The following CPB2 variants were observed in gnomAD, a reference collection of about 807,000 sequenced individuals.
The protein encoded by CPB2 is carboxypeptidase B2.
CPB2 carries 54 observed loss-of-function variants against 57.0 expected under a neutral mutation model. The observed-to-expected ratio is 0.95, with a 90% CI of 0.76 to 1.19. CPB2 has a LOEUF of 1.19. CPB2 is among the 50% of genes most tolerant of loss of function. The probability of loss-of-function intolerance (pLI) is 0.00; values close to 1 mark genes in which losing one functional copy is unlikely to be tolerated. For missense variants in CPB2, 426 were observed against 512.0 expected (o/e 0.83, Z 1.62); for synonymous variants, 189 against 178.1 (o/e 1.06, Z -0.49).
intron 10 of CPB2, among the ~76,000 whole-genome samples, chr13:46,055,538 A>T (rs1004831281): frequency 1.3e-5 from 2 of 152,154 alleles, no homozygotes; most frequent in African/African-American, 4.8e-5. Context: ...GATAAATATG[A>T]TTTCTTAAAT....
intron 4 of CPB2, among the ~76,000 whole-genome samples, chr13:46,080,657 G>A (rs2045098381): frequency 6.6e-6 from 1 of 152,028 alleles, no homozygotes; most frequent in Non-Finnish European, 1.5e-5. Context: ...GAGAGACCAG[G>A]GATGCATGTG....
At chr13:46,104,908 A>AC in intron 1 of CPB2, 28 bp downstream of exon 1, 1 of 1,613,634 alleles carries the variant, frequency 6.2e-7, no homozygotes, top group Non-Finnish European at 8.5e-7. Context: ...AGAGTGGCCC[A>AC]CCACAGTCTA....
chr13:46,097,891 A>T (rs1282315572), intron 1 of CPB2, among the ~76,000 whole-genome samples: 1 of 152,180 alleles, frequency 6.6e-6, no homozygotes, highest in Non-Finnish European at 1.5e-5. Context: ...GTTTCCAGAG[A>T]GCATAGGAAG....
chr13:46,072,712 T>C (rs887776463), intron 6 of CPB2, among the ~76,000 whole-genome samples: 37 of 152,300 alleles, frequency 2.4e-4, no homozygotes, highest in African/African-American at 8.4e-4. Context: ...CTCACCGATA[T>C]AAATTAGAGT....
intron 1 of CPB2, among the ~76,000 whole-genome samples, chr13:46,101,598 G>T (rs140475050): frequency 0.013 from 1,931 of 152,292 alleles, 34 homozygotes; most frequent in African/African-American, 0.043. Context: ...TGTTTCAACT[G>T]CGTCTCTGAA....
Position 46,084,289 on chromosome 13 carries a change from G to T in CPB2, c.205C>A (p.His69Asn). 6 of 1,614,090 alleles carry T rather than the reference G, an allele frequency of 3.7e-6. No individual in the cohort carries two copies. Among genetic ancestry groups the T allele is most frequent in the African/African-American group, 2.7e-5 (2 of 75,032 alleles). Residue 69 changes from histidine to asparagine, a missense_variant, in exon 3 of 11, where the codon CAT becomes AAT. His to Asn is a moderately conservative substitution (Grantham distance 68, BLOSUM62 1). Coordinates refer to ENST00000181383, the MANE Select transcript of CPB2 (RefSeq NM_001872.5). ...ACATCAGATGCATTTACAAAAAAATGGACTTGTTTTTTCTTCACAATAAGG... is the reference window on the plus strand; with the variant it reads ...ACATCAGATGCATTTACAAAAAAATTGACTTGTTTTTTCTTCACAATAAGG... ...ADLIVKKKQVHFFVNASDVDN... is the reference protein window; with the variant it reads ...ADLIVKKKQVNFFVNASDVDN...
chr13:46,060,191 G>A (rs1017479099), intron 8 of CPB2, among the ~76,000 whole-genome samples: 1 of 152,140 alleles, frequency 6.6e-6, no homozygotes, highest in Non-Finnish European at 1.5e-5. Flanking sequence ...GGCCAGGCAC[G>A]GTGGCTCACA....
At chr13:46,082,733 T>C (rs1284911393) in intron 3 of CPB2, among the ~76,000 whole-genome samples, 184 bp from the exon 4 acceptor site, 1 of 152,206 alleles carries the variant, frequency 6.6e-6, no homozygotes, top group Admixed American at 6.5e-5. Context: ...ACCCTTTCAG[T>C]AGAGCCTACA....
intron 3 of CPB2, 60 bp from the exon 4 acceptor site, chr13:46,082,609 G>T: frequency 1.9e-6 from 2 of 1,033,336 alleles, no homozygotes; most frequent in Non-Finnish European, 1.5e-6. Flanking sequence ...TTCCCACATG[G>T]CCCATTGCAG....
intron 5 of CPB2, 40 bp downstream of exon 5, chr13:46,078,760 C>T (rs549346742): frequency 2.4e-6 from 3 of 1,247,244 alleles, no homozygotes; most frequent in Admixed American, 3.4e-5. Flanking sequence ...TTAATCCCTC[C>T]CCTCACAGTG....
rs145588652 is a variant in CPB2 at position 46,103,694 on chromosome 13, CCTAA to C, written c.74+1238_74+1241del. Among the ~76,000 whole-genome samples, 730 of 152,288 alleles carry C rather than the reference CCTAA, an allele frequency of 4.8e-3. 5 individuals carry two copies. Among genetic ancestry groups the C allele is most frequent in the African/African-American group, 0.017 (704 of 41,554 alleles). ...ATAAGCAGAGGTTTCCTCCCTTTCC[CCTAA>C]CTGTCAATGGTACTGCCACTGTGTA... is the stretch of plus-strand genomic sequence containing the variant. On this transcript the variant is annotated intron_variant, in intron 1 of 10. Transcript: ENST00000181383.
At chr13:46,069,206 G>A (rs371238767) in intron 6 of CPB2, among the ~76,000 whole-genome samples, 1 of 152,196 alleles carries the variant, frequency 6.6e-6, no homozygotes, top group South Asian at 2.1e-4. Context: ...TAATAGGTAG[G>A]ACTCCAGACA....
chr13:46,104,577 T>C (rs753432978), intron 1 of CPB2, among the ~76,000 whole-genome samples: 2 of 152,234 alleles, frequency 1.3e-5, no homozygotes, highest in Non-Finnish European at 2.9e-5. Flanking sequence ...AAATGATCCA[T>C]AGTTAACTTT....
At chr13:46,062,516 C>T (rs562903645) in intron 8 of CPB2, among the ~76,000 whole-genome samples, 8 of 152,234 alleles carry the variant, frequency 5.3e-5, no homozygotes, top group South Asian at 4.1e-4. Context: ...TTATTAGTGC[C>T]ACAGCAAACT....
At chr13:46,102,540 CA>C (rs10624204) in intron 1 of CPB2, among the ~76,000 whole-genome samples, 1,422 of 108,174 alleles carry the variant, frequency 0.013, 18 homozygotes, top group African/African-American at 0.037. Flanking sequence ...ATGATTATGA[CA>C]AAAAAAAAAA....
intron 1 of CPB2, among the ~76,000 whole-genome samples, chr13:46,089,683 G>C (rs2045262693): frequency 6.6e-6 from 1 of 152,104 alleles, no homozygotes; most frequent in Non-Finnish European, 1.5e-5. Context: ...TAAGGGGAGA[G>C]GCTTCATGAA....
At chr13:46,074,475 A>C (rs988802739) in intron 5 of CPB2, among the ~76,000 whole-genome samples, 6 of 152,166 alleles carry the variant, frequency 3.9e-5, no homozygotes, top group African/African-American at 1.2e-4. Context: ...AGAAGCACAC[A>C]TCTAACCTCT....
At chr13:46,075,248 A>G (rs1169916720) in intron 5 of CPB2, among the ~76,000 whole-genome samples, 1 of 152,230 alleles carries the variant, frequency 6.6e-6, no homozygotes, top group Non-Finnish European at 1.5e-5. Flanking sequence ...TAATCGTCAA[A>G]TTGTATAGTC....
intron 1 of CPB2, among the ~76,000 whole-genome samples, chr13:46,088,041 G>A (rs960231180): frequency 5.9e-5 from 9 of 152,298 alleles, no homozygotes; most frequent in Admixed American, 5.9e-4. Flanking sequence ...TTGACTGGGG[G>A]TCAGTTTACA....
Sources: gnomAD v4.1 joint callset for allele counts (sites outside exome capture counted in the v4.1 genomes callset) on GRCh38, gnomAD v4.1.1 for gene constraint, MANE v1.5 for transcripts, NCBI Gene and HGNC (gene_info 2026-07-23, HGNC 2026-07-21) for gene names.